Variants in PLXNA4 observed in about 807,000 individuals in gnomAD.
PLXNA4 encodes plexin-A4.
Under a neutral mutation model 191.8 loss-of-function variants are expected in PLXNA4, and 44 were observed. The ratio of observed to expected loss-of-function variants is 0.23; its 90% CI spans 0.18 to 0.29. The LOEUF (loss-of-function observed/expected upper bound fraction) is 0.29, where lower values mean the gene tolerates loss of function less well. Among genes scored for constraint, PLXNA4 ranks in the 10% least tolerant of loss-of-function variants. PLXNA4 has a pLI of 1.00. For synonymous variants in PLXNA4, 1,082 were observed against 1,009.5 expected (o/e 1.07, Z -1.36); for missense variants, 1,800 against 2,488.8 (o/e 0.72, Z 5.89).
At chr7:132,553,549 C>T (rs1484529336) in intron 1 of PLXNA4, among the ~76,000 whole-genome samples, 1 of 152,158 alleles carries the variant, frequency 6.6e-6, no homozygotes, top group Non-Finnish European at 1.5e-5. Flanking sequence ...AGGACCTTCC[C>T]ATCTGGTTTG....
At chr7:132,164,346 A>C in intron 23 of PLXNA4, 58 bp from the exon 24 acceptor site, 1 of 1,591,320 alleles carries the variant, frequency 6.3e-7, no homozygotes, top group Non-Finnish European at 8.6e-7. Flanking sequence ...GTGTACCCCC[A>C]GTCCCTGCTT....
Position 132,133,138 on chromosome 7 carries a change from C to T in PLXNA4, c.5500G>A (p.Ala1834Thr). The change falls in exon 31 of 32, where the codon GCT becomes ACT. Residue 1834 changes from alanine to threonine, a missense_variant. Transcript: ENST00000321063. Reference sequence around the variant, plus strand: ...TTCATGTGCATCCGGGACTGCTCAGCCAGGTATGCGTTCATGTCTTGGTCG... The same window carrying T: ...TTCATGTGCATCCGGGACTGCTCAGTCAGGTATGCGTTCATGTCTTGGTCG... ...ISDQDMNAYLAEQSRMHMNEF... is the reference protein window; with the variant it reads ...ISDQDMNAYLTEQSRMHMNEF... The T allele has an allele frequency of 6.2e-7, 1 of 1,614,164 alleles. No homozygotes were observed. Among genetic ancestry groups the T allele is most frequent in the Non-Finnish European group, 8.5e-7 (1 of 1,180,030 alleles).
chr7:132,318,119 AC>A (rs1802017156), intron 3 of PLXNA4, among the ~76,000 whole-genome samples: 1 of 152,186 alleles, frequency 6.6e-6, no homozygotes, highest in African/African-American at 2.4e-5. Flanking sequence ...AGTTCATCCC[AC>A]ACAACAAGCA....
At chr7:132,563,808 C>T (rs1230786854) in intron 1 of PLXNA4, among the ~76,000 whole-genome samples, 3 of 90,530 alleles carry the variant, frequency 3.3e-5, no homozygotes, top group East Asian at 3.8e-4. Context: ...TCCTCCTTCT[C>T]CTCCTCCTTC....
intron 4 of PLXNA4, among the ~76,000 whole-genome samples, chr7:132,270,053 G>A (rs1190460252): frequency 1.3e-5 from 2 of 152,128 alleles, no homozygotes; most frequent in Non-Finnish European, 2.9e-5. Context: ...TAAACTCATC[G>A]TCCTAAATGC....
At position 132,296,588 on chromosome 7, in the gene PLXNA4, G is replaced by A. The variant is rs751153310; in HGVS notation, c.1503+1503C>T. On this transcript the variant is annotated intron_variant, in intron 4 of 31. Transcript: ENST00000321063. ...GCACCTGGCTCCGTTTATATTTTCC[G>A]TCTTTGAAAGTCCTCTTATGTTTTA... is the stretch of plus-strand genomic sequence containing the variant. 5.3e-5 allele frequency among the ~76,000 whole-genome samples: 8 copies of A among 151,890 alleles called. No homozygotes were observed. The East Asian group carries it at 7.7e-4, about 15-fold the overall frequency.
intron 2 of PLXNA4, among the ~76,000 whole-genome samples, chr7:132,493,719 A>G (rs1446195335): frequency 8.2e-6 from 1 of 121,940 alleles, no homozygotes; most frequent in Admixed American, 8.5e-5. Context: ...GGATGGATGG[A>G]TGGGTGGATG....
Sources: allele counts gnomAD v4.1 joint callset (sites outside exome capture counted in the v4.1 genomes callset), GRCh38; gene constraint gnomAD v4.1.1; transcripts MANE v1.5; gene names NCBI Gene and HGNC (gene_info 2026-07-23, HGNC 2026-07-21).